Variants in POLR1D observed in about 807,000 individuals in gnomAD.
The protein encoded by POLR1D is DNA-directed RNA polymerases I and III subunit RPAC2.
POLR1D carries 8 observed loss-of-function variants against 10.8 expected under a neutral mutation model. That is an observed-to-expected ratio of 0.74 (90% CI 0.43 to 1.33). The LOEUF is 1.33. POLR1D is among the 40% of genes most tolerant of loss of function. The pLI is 0.01. For synonymous variants in POLR1D, 54 were observed against 57.2 expected (o/e 0.94, Z 0.25); for missense variants, 152 against 161.7 (o/e 0.94, Z 0.32).
intron 2 of POLR1D, among the ~76,000 whole-genome samples, chr13:27,660,411 G>A (rs1956352872): frequency 6.6e-6 from 1 of 152,246 alleles, no homozygotes; most frequent in African/African-American, 2.4e-5. Flanking sequence ...ACGCATTGAA[G>A]TGCACTGCAT....
chr13:27,635,747 T>A (rs967536957), intron 1 of POLR1D, among the ~76,000 whole-genome samples: 4 of 148,942 alleles, frequency 2.7e-5, no homozygotes, highest in African/African-American at 9.8e-5. Context: ...TATATATATA[T>A]AAATTGTATT....
intron 1 of POLR1D, among the ~76,000 whole-genome samples, chr13:27,636,397 C>T (rs553439928): frequency 1.3e-5 from 2 of 152,200 alleles, no homozygotes; most frequent in African/African-American, 4.8e-5. Context: ...ATTTGAGAAA[C>T]TTTTCCCTTA....
chr13:27,648,546 G>A lies in POLR1D; in HGVS notation c.101+93G>A, dbSNP rs192912313. 49 of 759,962 alleles carry A rather than the reference G, an allele frequency of 6.4e-5. No individual in the cohort carries two copies. In the Admixed American group the frequency reaches 1.0e-3, roughly 16 times the overall value. The allele number at this position is 759,962 out of a possible 1,614,324, so 47.1% of individuals were successfully genotyped here. A position where few individuals can be genotyped will look rare whatever the true frequency, so the allele number is the denominator to read the frequency against. The stretch of plus-strand genomic sequence containing the variant: ...AATCTTTAGCATATAGAGGAAATGG[G>A]AAACCATGGAAGCAGAGGAAATCTC... On this transcript the variant is annotated intron_variant, in intron 2 of 2. Coordinates refer to the POLR1D transcript ENST00000399697.
chr13:27,622,376 G>T (rs1297002896), intron 1 of POLR1D: 2 of 358,802 alleles, frequency 5.6e-6, no homozygotes, highest in South Asian at 3.9e-5. Context: ...GCCACTCTGT[G>T]CGCTGAGCTC....
chr13:27,660,558 G>T (rs1308702286), intron 2 of POLR1D, among the ~76,000 whole-genome samples: 1 of 152,206 alleles, frequency 6.6e-6, no homozygotes, highest in East Asian at 1.9e-4. Flanking sequence ...CCTTGGCTGT[G>T]TTGGTGACTC....
chr13:27,621,834 C>CTG, upstream of POLR1D: 1 of 780,650 alleles, frequency 1.3e-6, no homozygotes, highest in Non-Finnish European at 2.2e-6. Context: ...CTGGGCCCTG[C>CTG]CGCGCCGCTG....
intron 1 of POLR1D, among the ~76,000 whole-genome samples, chr13:27,647,639 C>CA (rs1160459522): frequency 6.6e-6 from 1 of 152,112 alleles, no homozygotes; most frequent in Non-Finnish European, 1.5e-5. Flanking sequence ...TGTCCTGTGC[C>CA]AAAAATTCAT....
chr13:27,629,550 G>A (rs539830316), intron 1 of POLR1D, among the ~76,000 whole-genome samples: 53 of 152,238 alleles, frequency 3.5e-4, no homozygotes, highest in African/African-American at 1.3e-3. Context: ...AGTAGCCTGT[G>A]TATTTTTTTG....
chr13:27,646,883 C>G (rs552362295), intron 1 of POLR1D, among the ~76,000 whole-genome samples: 2 of 152,058 alleles, frequency 1.3e-5, no homozygotes, highest in South Asian at 4.2e-4. Context: ...GCATGCTTTA[C>G]TTTGATAAAA....
chr13:27,622,180 G>A (rs560227649), intron 1 of POLR1D, 171 bp downstream of exon 1: 2 of 652,338 alleles, frequency 3.1e-6, no homozygotes, highest in Non-Finnish European at 5.5e-6. Context: ...AGGCTGAGAG[G>A]TACACTAGCT....
chr13:27,659,819 A>G (rs938786741), intron 2 of POLR1D, among the ~76,000 whole-genome samples: 1 of 151,952 alleles, frequency 6.6e-6, no homozygotes, highest in Non-Finnish European at 1.5e-5. Context: ...TCCTCTTGGT[A>G]GTCTCCAAAG....
chr13:27,629,174 A>G (rs1029216016), intron 1 of POLR1D, among the ~76,000 whole-genome samples: 2 of 152,198 alleles, frequency 1.3e-5, no homozygotes, highest in African/African-American at 4.8e-5. Context: ...AATCTTGGGT[A>G]TCTTTTCAGT....
At chr13:27,644,144 G>A (rs1377898662) in intron 1 of POLR1D, among the ~76,000 whole-genome samples, 1 of 152,094 alleles carries the variant, frequency 6.6e-6, no homozygotes, top group African/African-American at 2.4e-5. Context: ...TTTTTGAGCA[G>A]TTATTTGAGA....
intron 1 of POLR1D, among the ~76,000 whole-genome samples, chr13:27,644,770 C>T (rs1011899983): frequency 1.6e-5 from 2 of 123,008 alleles, no homozygotes; most frequent in Admixed American, 1.7e-4. Flanking sequence ...TATATATTCT[C>T]CTATTTGCTT....
chr13:27,627,707 A>G (rs1259586323), downstream of POLR1D, among the ~76,000 whole-genome samples: 9 of 150,564 alleles, frequency 6.0e-5, no homozygotes, highest in Non-Finnish European at 1.3e-4. Flanking sequence ...TTCTTGAGCT[A>G]GAACTGCCGT....
intron 1 of POLR1D, among the ~76,000 whole-genome samples, chr13:27,632,702 T>C (rs1034721523): frequency 1.4e-5 from 2 of 140,202 alleles, no homozygotes; most frequent in Non-Finnish European, 3.1e-5. Flanking sequence ...TTCTAACATA[T>C]GAGATATATA....
exon 3 of POLR1D, chr13:27,667,368 T>A (rs980397203): frequency 6.6e-6 from 1 of 152,270 alleles, no homozygotes; most frequent in Non-Finnish European, 1.5e-5. Context: ...ATGGAGTTTT[T>A]AAAAATTGTT....
intron 2 of POLR1D, chr13:27,660,985 A>G (rs953807637): frequency 2.0e-5 from 3 of 152,226 alleles, no homozygotes; most frequent in Admixed American, 6.5e-5. Context: ...CCTATTCAGG[A>G]AATATTTTAG....
chr13:27,630,722 A>G (rs477793), intron 1 of POLR1D, among the ~76,000 whole-genome samples: 59,024 of 152,164 alleles, frequency 0.39, 12,354 homozygotes, highest in Admixed American at 0.52. Flanking sequence ...TTTCTAGTAC[A>G]CTTAAATACT....
Sources: allele counts gnomAD v4.1 joint callset (sites outside exome capture counted in the v4.1 genomes callset), GRCh38; gene constraint gnomAD v4.1.1; transcripts MANE v1.5; gene names NCBI Gene and HGNC (gene_info 2026-07-23, HGNC 2026-07-21).